The following CLCN5 variants were observed in gnomAD, a reference collection of about 807,000 sequenced individuals.
The protein encoded by CLCN5 is Cl-/H+ antiporter 5.
In CLCN5, 17 loss-of-function variants were observed where a neutral mutation model predicts 54.0. That is an observed-to-expected ratio of 0.31 (90% CI 0.22 to 0.47). The LOEUF (loss-of-function observed/expected upper bound fraction) is 0.47. Among genes scored for constraint, CLCN5 ranks in the 20% least tolerant of loss-of-function variants. The pLI, the probability that CLCN5 is intolerant of heterozygous loss-of-function variation, is 1.00. For missense variants in CLCN5, 448 were observed against 646.7 expected (o/e 0.69, Z 3.33); for synonymous variants, 222 against 233.0 (o/e 0.95, Z 0.43).
intron 3 of CLCN5, among the ~76,000 whole-genome samples, chrX:49,999,860 C>A (rs7884421): frequency 8.0e-5 from 9 of 111,815 alleles, no homozygotes; most frequent in Non-Finnish European, 1.3e-4. Flanking sequence ...CCTTTTTTTA[C>A]TTGTTTTAAA....
chrX:49,984,585 C>T (rs1244650788), intron 3 of CLCN5, among the ~76,000 whole-genome samples: 5 of 106,757 alleles, frequency 4.7e-5, no homozygotes, highest in African/African-American at 1.4e-4. Flanking sequence ...CTTTCTCTTT[C>T]GTTCCTTCTC....
chrX:50,027,017 CTT>C (rs113714534), intron 3 of CLCN5, among the ~76,000 whole-genome samples: 8 of 98,142 alleles, frequency 8.2e-5, no homozygotes, highest in Admixed American at 1.1e-4. Context: ...TTCTTTCTTT[CTT>C]TTTTTTTTTT....
At position 50,094,087 on chromosome X, in the gene CLCN5, T is replaced by C. The variant is rs1934188059; in HGVS notation, c.*1868T>C. The C allele has an allele frequency of 8.9e-6, 1 of 112,115 alleles. No homozygotes were observed. Among genetic ancestry groups the C allele is most frequent in the African/African-American group, 3.2e-5 (1 of 30,872 alleles). The allele number at this position is 112,115 out of a possible 1,213,427, so 9.2% of individuals were successfully genotyped here. A position where few individuals can be genotyped will look rare whatever the true frequency, so the allele number is the denominator to read the frequency against. ...TTTAAGAGTTGCTGATCCCTGATTC[T>C]AGGACGTTTTTACCCATAGTTCTTG... On this transcript the variant is annotated 3_prime_UTR_variant, in exon 15 of 15. Coordinates refer to ENST00000376091, the MANE Select transcript of CLCN5 (RefSeq NM_001127898.4).
chrX:49,998,540 T>C (rs987065893), intron 3 of CLCN5, among the ~76,000 whole-genome samples: 1 of 111,530 alleles, frequency 9.0e-6, no homozygotes, highest in Admixed American at 9.5e-5. Context: ...CTTTCTGACC[T>C]GCTTGGTACG....
At position 50,098,600 on chromosome X, in the gene CLCN5, T is replaced by C. The variant is rs1409529435; in HGVS notation, c.*6381T>C. The C allele has an allele frequency of 8.8e-6, 1 of 113,191 alleles. No homozygotes were observed. Among genetic ancestry groups the C allele is most frequent in the African/African-American group, 3.2e-5 (1 of 31,104 alleles). 9.3% of individuals were successfully genotyped at this position (113,191 alleles called of 1,213,427 possible). A position where few individuals can be genotyped will look rare whatever the true frequency, so the allele number is the denominator to read the frequency against. On this transcript the variant is annotated 3_prime_UTR_variant, in exon 15 of 15. Transcript: ENST00000376091. ...TTGGTGAAAGTTCAGCTGAAGCTAA[T>C]GTCTAGACATCAGCAGTAACTAGGC...
intron 4 of CLCN5, 53 bp from the exon 5 acceptor site, chrX:50,069,826 T>G (rs1291956696): frequency 2.6e-6 from 3 of 1,137,894 alleles, no homozygotes; most frequent in Non-Finnish European, 3.5e-6. Context: ...AAGAATGTAT[T>G]AAAAATGTTA....
At chrX:50,054,887 G>A (rs781816164) in intron 4 of CLCN5, among the ~76,000 whole-genome samples, 7 of 111,462 alleles carry the variant, frequency 6.3e-5, no homozygotes, top group African/African-American at 2.3e-4. Flanking sequence ...ATATACTTTC[G>A]GCTCCACTTT....
At chrX:49,942,722 A>G (rs1926443292) in intron 3 of CLCN5, among the ~76,000 whole-genome samples, 1 of 110,126 alleles carries the variant, frequency 9.1e-6, no homozygotes, top group Non-Finnish European at 1.9e-5. Context: ...TGTCCCTACA[A>G]AGGACATGAA....
At chrX:50,046,425 G>A (rs1932395645) in intron 4 of CLCN5, among the ~76,000 whole-genome samples, 1 of 111,898 alleles carries the variant, frequency 8.9e-6, no homozygotes, top group African/African-American at 3.3e-5. Context: ...GTTGAATGAA[G>A]AGACATTCCT....
chrX:50,028,851 C>G (rs1440924746), intron 3 of CLCN5, among the ~76,000 whole-genome samples: 1 of 112,109 alleles, frequency 8.9e-6, no homozygotes, highest in Non-Finnish European at 1.9e-5. Flanking sequence ...TTCCCTGATG[C>G]AAGAAGTTAT....
intron 10 of CLCN5, 39 bp downstream of exon 10, chrX:50,086,099 T>G (rs1368701189): frequency 4.7e-6 from 5 of 1,061,716 alleles, no homozygotes; most frequent in Non-Finnish European, 5.3e-6. Context: ...CATGCTTTTG[T>G]GTCAGGAATT....
intron 8 of CLCN5, among the ~76,000 whole-genome samples, chrX:50,081,389 C>T (rs2080085101): frequency 9.0e-6 from 1 of 111,092 alleles, no homozygotes; most frequent in Non-Finnish European, 1.9e-5. Flanking sequence ...TATGCACACT[C>T]TCATACTTAC....
In CLCN5 at chrX:49,961,505, G is replaced by T. The variant is rs184016950; in HGVS notation, c.16+36191G>T. ...AACACAGAGGGTTGAACCCTGGTCA[G>T]CCTGGCTGGAAAGCACCTTCCTTAA... is the stretch of plus-strand genomic sequence containing the variant. On this transcript the variant is annotated intron_variant, in intron 3 of 14. Coordinates refer to ENST00000376091, the MANE Select transcript of CLCN5 (RefSeq NM_001127898.4). Among the ~76,000 whole-genome samples the T allele has an allele frequency of 2.7e-5, 3 of 112,158 alleles. No homozygotes were observed. The Admixed American group carries it at 2.8e-4, about 11-fold the overall frequency.
rs1602131817 is a variant in CLCN5, at chrX:50,088,577, T to C, written c.1558-121T>C. 4.6e-6 allele frequency: 3 copies of C among 646,977 alleles called. No homozygotes were observed. In the East Asian group the frequency reaches 9.7e-5, roughly 21 times the overall value. The allele number at this position is 646,977 out of a possible 1,213,427, so 53.3% of individuals were successfully genotyped here. A position where few individuals can be genotyped will look rare whatever the true frequency, so the allele number is the denominator to read the frequency against. On this transcript the variant is annotated intron_variant, in intron 11 of 14. Transcript: ENST00000376091. ...ACACCTTTACAGCCACTTGCTAGCATAGTGCATAGTTAAATTGTCATCGGC... is the reference window on the plus strand; with the variant it reads ...ACACCTTTACAGCCACTTGCTAGCACAGTGCATAGTTAAATTGTCATCGGC...
chrX:49,998,226 GA>G (rs1557179899), intron 3 of CLCN5, among the ~76,000 whole-genome samples: 2 of 111,644 alleles, frequency 1.8e-5, no homozygotes, highest in African/African-American at 6.5e-5. Context: ...GTTAATGGCA[GA>G]ACCAGGCATT....
intron 3 of CLCN5, among the ~76,000 whole-genome samples, chrX:49,940,754 C>T (rs140388820): frequency 0.012 from 1,371 of 111,767 alleles, 15 homozygotes; most frequent in African/African-American, 0.042. Flanking sequence ...TTCACTTGCT[C>T]GTTAGGGCCA....
intron 3 of CLCN5, among the ~76,000 whole-genome samples, chrX:49,963,142 G>A (rs1306326895): frequency 8.9e-6 from 1 of 112,062 alleles, no homozygotes; most frequent in Non-Finnish European, 1.9e-5. Flanking sequence ...AAGGATGGGT[G>A]CGAGAATGAA....
chrX:49,926,088 G>A (rs1925326921), intron 3 of CLCN5, among the ~76,000 whole-genome samples: 1 of 112,389 alleles, frequency 8.9e-6, no homozygotes, highest in African/African-American at 3.2e-5. Flanking sequence ...CCACTTAAAT[G>A]GAGTGGAATG....
Position 49,938,635 on chromosome X carries a change from A to C in CLCN5, c.16+13321A>C, listed in dbSNP as rs1465593142. Among the ~76,000 whole-genome samples the C allele has an allele frequency of 4.5e-5, 5 of 112,132 alleles. No homozygotes were observed. In the Admixed American group the frequency reaches 4.7e-4, roughly 11 times the overall value. ...CTTCCTTACACCTTATACAAAAATT[A>C]ATTCAAGATGGATTAAAGACTTACA... is the stretch of plus-strand genomic sequence containing the variant. On this transcript the variant is annotated intron_variant, in intron 3 of 14. Transcript: ENST00000376091.
Sources: allele counts gnomAD v4.1 joint callset (sites outside exome capture counted in the v4.1 genomes callset), GRCh38; gene constraint gnomAD v4.1.1; transcripts MANE v1.5; gene names NCBI Gene and HGNC (gene_info 2026-07-23, HGNC 2026-07-21).